LZTFL1: variants seen among roughly 807,000 people sequenced by gnomAD.
LZTFL1 encodes leucine zipper transcription factor like 1, also known as leucine zipper transcription factor-like protein 1.
A neutral mutation model predicts 45.9 loss-of-function variants in LZTFL1; 25 were observed. The observed-to-expected ratio is 0.54, with a 90% CI of 0.40 to 0.76. The LOEUF (loss-of-function observed/expected upper bound fraction) is 0.76. Among genes scored for constraint, LZTFL1 ranks in the 30% least tolerant of loss-of-function variants. The pLI is 0.00. For synonymous variants in LZTFL1, 93 were observed against 117.4 expected (o/e 0.79, Z 1.35); for missense variants, 277 against 331.1 (o/e 0.84, Z 1.27).
chr3:45,833,197 G>C (rs1438174716), intron 4 of LZTFL1, 76 bp from the exon 5 acceptor site: 3 of 973,758 alleles, frequency 3.1e-6, no homozygotes, highest in Non-Finnish European at 5.0e-6. Flanking sequence ...CTTGCACTTT[G>C]CAAGTGGAAG....
rs117763799 is a variant in LZTFL1, at chr3:45,907,011, G to A, written c.-215+6109C>T. Among the ~76,000 whole-genome samples, 21 of 152,276 alleles carry A rather than the reference G, an allele frequency of 1.4e-4. No individual in the cohort carries two copies. In the East Asian group the frequency reaches 3.9e-3, roughly 28 times the overall value. The stretch of plus-strand genomic sequence containing the variant: ...AGGCATTACTCACTGCTGTCCCCAC[G>A]TGGCCCCAGATCTCCTCTGCAGCCA... On this transcript the variant is annotated intron_variant, in intron 2 of 4. Transcript: ENST00000472635.
At chr3:45,903,573 G>A (rs1014050601) in intron 2 of LZTFL1, among the ~76,000 whole-genome samples, 1 of 152,196 alleles carries the variant, frequency 6.6e-6, no homozygotes, top group South Asian at 2.1e-4. Flanking sequence ...TTCCAAAGGG[G>A]AGACAAAAGC....
chr3:45,834,340 A>C, intron 3 of LZTFL1, 42 bp from the exon 4 acceptor site: 1 of 1,295,346 alleles, frequency 7.7e-7, no homozygotes, highest in Non-Finnish European at 1.1e-6. Context: ...CATTTAAAAT[A>C]GATTTATATC....
At chr3:45,915,384 C>T (rs1702879311) in intron 1 of LZTFL1, 1 of 387,456 alleles carries the variant, frequency 2.6e-6, no homozygotes, top group Non-Finnish European at 5.2e-6. Flanking sequence ...GCTTTCCTCT[C>T]TCAAGCCAGG....
In LZTFL1 at chr3:45,902,578, C is replaced by T. The variant is rs202014793; in HGVS notation, c.-215+10542G>A. The stretch of plus-strand genomic sequence containing the variant: ...CATCCAAAGTCTGTTGGCTTCCAAT[C>T]CATTTCTGTGTCCTGCTGGAGGTTT... On this transcript the variant is annotated intron_variant, in intron 2 of 4. Coordinates refer to the LZTFL1 transcript ENST00000472635. 131 of 167,318 alleles carry T rather than the reference C, an allele frequency of 7.8e-4. 2 individuals carry two copies. Among genetic ancestry groups the T allele is most frequent in the Non-Finnish European group, 1.6e-3 (112 of 68,176 alleles). 10.4% of individuals were successfully genotyped at this position (167,318 alleles called of 1,614,324 possible).
chr3:45,875,689 G>C (rs530992892), intron 2 of LZTFL1, among the ~76,000 whole-genome samples: 47 of 151,900 alleles, frequency 3.1e-4, no homozygotes, highest in African/African-American at 7.0e-4. Flanking sequence ...AAGAAAGAAA[G>C]AAACAAAAGC....
intron 5 of LZTFL1, chr3:45,832,795 G>C (rs1046642957): frequency 9.5e-6 from 3 of 315,342 alleles, no homozygotes; most frequent in African/African-American, 6.4e-5. Flanking sequence ...AACTTTAAAT[G>C]TCCATCAATA....
intron 2 of LZTFL1, among the ~76,000 whole-genome samples, chr3:45,872,055 G>A (rs1423443144): frequency 6.6e-6 from 1 of 152,206 alleles, no homozygotes; most frequent in East Asian, 1.9e-4. Flanking sequence ...TGGCAGCAAG[G>A]AATGGCAGGC....
rs765295949 is a variant in LZTFL1 at position 45,901,662 on chromosome 3, TC to T, written c.-215+11457del. 61 of 1,613,878 alleles carry T rather than the reference TC, an allele frequency of 3.8e-5. No homozygotes were observed. The highest frequency in any genetic ancestry group is 5.2e-5 in the Non-Finnish European group (61 of 1,179,820). Reference sequence around the variant, plus strand: ...CATGTTCATCTCCAACTGTGCCGTTTCCACCAACATTGACATCTGCTTCCAG... The same window carrying T: ...CATGTTCATCTCCAACTGTGCCGTTTCACCAACATTGACATCTGCTTCCAG... On this transcript the variant is annotated intron_variant, in intron 2 of 4. Transcript: ENST00000472635. This position sits in a 1 kb window ranked among gnomAD's most constrained non-coding sequence, Gnocchi z 4.3.
chr3:45,852,555 A>C (rs926950238), intron 4 of LZTFL1, among the ~76,000 whole-genome samples: 19 of 152,238 alleles, frequency 1.2e-4, no homozygotes, highest in African/African-American at 4.6e-4. Context: ...AGTGAAAAGA[A>C]AAAAAGTCAA....
At chr3:45,842,150 T>C (rs1212970413), upstream of LZTFL1, 1 of 1,500,028 alleles carries the variant, frequency 6.7e-7, no homozygotes, top group Non-Finnish European at 8.9e-7. Context: ...GCACGTGGAC[T>C]GCAATTATGC....
At chr3:45,914,295 T>G (rs1172936554) in intron 1 of LZTFL1, among the ~76,000 whole-genome samples, 3 of 151,898 alleles carry the variant, frequency 2.0e-5, no homozygotes, top group African/African-American at 7.2e-5. Flanking sequence ...GCATTTTTTT[T>G]TTTTTTTTTG....
At chr3:45,888,987 T>C (rs748709568) in intron 2 of LZTFL1, among the ~76,000 whole-genome samples, 1 of 152,182 alleles carries the variant, frequency 6.6e-6, no homozygotes, top group Non-Finnish European at 1.5e-5. Context: ...ATATATACTA[T>C]TTGTTTATTT....
chr3:45,887,934 T>A lies in LZTFL1; in HGVS notation c.-215+25186A>T, dbSNP rs76478208. ...GCTCCGTGTAGCAAATTGTACAAAG[T>A]TCAAAGTAAGGACCTGCATTCCTGA... On this transcript the variant is annotated intron_variant, in intron 2 of 4. Coordinates refer to the LZTFL1 transcript ENST00000472635. 9.8e-3 allele frequency among the ~76,000 whole-genome samples: 1,486 copies of A among 152,312 alleles called. 28 individuals are homozygous for A. The highest frequency in any genetic ancestry group is 0.033 in the African/African-American group (1,381 of 41,546).
At chr3:45,887,933 G>A (rs770223545) in intron 2 of LZTFL1, among the ~76,000 whole-genome samples, 1 of 152,218 alleles carries the variant, frequency 6.6e-6, no homozygotes, top group African/African-American at 2.4e-5. Context: ...ATTGTACAAA[G>A]TTCAAAGTAA....
At chr3:45,899,015 A>G (rs911867282) in intron 2 of LZTFL1, among the ~76,000 whole-genome samples, 1 of 151,956 alleles carries the variant, frequency 6.6e-6, no homozygotes, top group Non-Finnish European at 1.5e-5. Flanking sequence ...AAAATACAAA[A>G]ATTAGCCAGG....
rs370005055 is a variant in LZTFL1, at chr3:45,910,662, T to A, written c.-215+2458A>T. Reference sequence around the variant, plus strand: ...GTTTGCTATGATAAAGTATCAGGAGTAATCCAATAAAACAACAAAAAAATG... The same window carrying A: ...GTTTGCTATGATAAAGTATCAGGAGAAATCCAATAAAACAACAAAAAAATG... On this transcript the variant is annotated intron_variant, in intron 2 of 4. Transcript: ENST00000472635. Among the ~76,000 whole-genome samples the A allele has an allele frequency of 5.3e-5, 8 of 152,144 alleles. No homozygotes were observed. The East Asian group carries it at 9.7e-4, about 18-fold the overall frequency.
intron 7 of LZTFL1, among the ~76,000 whole-genome samples, chr3:45,830,381 C>T (rs1700782294): frequency 6.6e-6 from 1 of 152,184 alleles, no homozygotes; most frequent in Non-Finnish European, 1.5e-5. Context: ...GCATGAAGAA[C>T]TACAACACTG....
intron 4 of LZTFL1, among the ~76,000 whole-genome samples, chr3:45,847,936 T>C (rs1044537534): frequency 2.6e-5 from 4 of 152,208 alleles, no homozygotes; most frequent in African/African-American, 9.6e-5. Context: ...TTCAATACTT[T>C]TCTTAGTGGT....
Sources: gnomAD v4.1 joint callset for allele counts (sites outside exome capture counted in the v4.1 genomes callset) on GRCh38, gnomAD v4.1.1 for gene constraint, Gnocchi (gnomAD v3.1) non-coding constraint, MANE v1.5 for transcripts, NCBI Gene and HGNC (gene_info 2026-07-23, HGNC 2026-07-21) for gene names.